The following FAM184B variants were observed in gnomAD, a reference collection of about 807,000 sequenced individuals.
FAM184B encodes family with sequence similarity 184 member B.
Under a neutral mutation model 135.9 loss-of-function variants are expected in FAM184B, and 111 were observed. The observed-to-expected ratio is 0.82, with a 90% CI of 0.70 to 0.96. The LOEUF (loss-of-function observed/expected upper bound fraction) is 0.96. Among genes scored for constraint, FAM184B ranks in the 40% least tolerant of loss-of-function variants. FAM184B has a pLI of 0.00. For missense variants in FAM184B, 1,375 were observed against 1,323.9 expected (o/e 1.04, Z -0.60); for synonymous variants, 552 against 524.8 (o/e 1.05, Z -0.71).
intron 1 of FAM184B, among the ~76,000 whole-genome samples, chr4:17,744,633 T>G (rs1400532271): frequency 6.6e-6 from 1 of 151,084 alleles, no homozygotes; most frequent in African/African-American, 2.4e-5. Flanking sequence ...GGCAGGAGAA[T>G]AGCTTGAATC....
chr4:17,648,487 G>A (rs973685297), intron 11 of FAM184B, among the ~76,000 whole-genome samples: 1 of 150,974 alleles, frequency 6.6e-6, no homozygotes, highest in Non-Finnish European at 1.5e-5. Flanking sequence ...GCTGGGACCA[G>A]GCAAGCACCA....
chr4:17,730,903 G>C (rs980462263), intron 1 of FAM184B, among the ~76,000 whole-genome samples: 4 of 152,176 alleles, frequency 2.6e-5, no homozygotes, highest in African/African-American at 9.7e-5. Flanking sequence ...GGAGCTAATG[G>C]AGCTGAAAGC....
At chr4:17,706,913 G>A (rs1717132872) in intron 3 of FAM184B, among the ~76,000 whole-genome samples, 1 of 151,868 alleles carries the variant, frequency 6.6e-6, no homozygotes, top group Non-Finnish European at 1.5e-5. Context: ...AGCCTCCCAA[G>A]TAGCTAGGAT....
At chr4:17,660,322 GCTGTTTAGCAGGAACCACCTGATAT>G (rs902583119) in intron 8 of FAM184B, among the ~76,000 whole-genome samples, 12 of 148,882 alleles carry the variant, frequency 8.1e-5, no homozygotes, top group African/African-American at 2.9e-4. Context: ...CCGCCTGATA[GCTGTTTAGCAGGAACCACCTGATAT>G]CTGTTTTAGT....
intron 1 of FAM184B, among the ~76,000 whole-genome samples, chr4:17,764,277 C>T (rs1288519744): frequency 2.0e-5 from 3 of 152,204 alleles, no homozygotes; most frequent in African/African-American, 7.2e-5. Flanking sequence ...CTCATTAAAA[C>T]AGAAGGTTGT....
At chr4:17,669,369 T>C (rs115035924) in intron 7 of FAM184B, among the ~76,000 whole-genome samples, 2,710 of 152,284 alleles carry the variant, frequency 0.018, 73 homozygotes, top group African/African-American at 0.063. Flanking sequence ...CTGCCATAAA[T>C]TCAGGTTCTG....
At chr4:17,691,805 A>T (rs1716742665) in intron 6 of FAM184B, among the ~76,000 whole-genome samples, 1 of 152,122 alleles carries the variant, frequency 6.6e-6, no homozygotes, top group Non-Finnish European at 1.5e-5. Context: ...CTGTAATCCC[A>T]GCACTTTGGG....
At chr4:17,652,757 A>T in intron 11 of FAM184B, 73 bp downstream of exon 11, 1 of 1,491,204 alleles carries the variant, frequency 6.7e-7, no homozygotes, top group Non-Finnish European at 9.0e-7. Context: ...CCTGGCCCTC[A>T]GCTTGTCTCT....
intron 1 of FAM184B, among the ~76,000 whole-genome samples, chr4:17,759,866 T>C (rs1460420720): frequency 6.6e-6 from 1 of 152,174 alleles, no homozygotes; most frequent in Admixed American, 6.5e-5. Context: ...ATACATTCAT[T>C]TGCTATGTCA....
chr4:17,664,398 C>T (rs1277025368), intron 8 of FAM184B, among the ~76,000 whole-genome samples, 164 bp downstream of exon 8: 1 of 152,040 alleles, frequency 6.6e-6, no homozygotes, highest in Non-Finnish European at 1.5e-5. Flanking sequence ...TATGTGAAGC[C>T]CATAGCTGTG....
intron 1 of FAM184B, among the ~76,000 whole-genome samples, chr4:17,721,856 G>GCATA (rs1213233019): frequency 6.6e-6 from 1 of 152,216 alleles, no homozygotes; most frequent in African/African-American, 2.4e-5. Flanking sequence ...CCAGATGGAT[G>GCATA]CATACTTTGG....
chr4:17,742,137 AATATATATAT>A (rs372209332), intron 1 of FAM184B, among the ~76,000 whole-genome samples: 1,345 of 26,432 alleles, frequency 0.051, 26 homozygotes, highest in East Asian at 0.3. Context: ...TATACATATG[AATATATATAT>A]ATATATATAT....
chr4:17,659,810 A>T, intron 9 of FAM184B, 148 bp downstream of exon 9: 1 of 1,125,092 alleles, frequency 8.9e-7, no homozygotes, highest in Non-Finnish European at 1.2e-6. Context: ...ATGAATGAAT[A>T]AATAAAACCA....
chr4:17,727,730 C>T (rs1022566390), intron 1 of FAM184B, among the ~76,000 whole-genome samples: 10 of 152,270 alleles, frequency 6.6e-5, no homozygotes, highest in Admixed American at 3.3e-4. Flanking sequence ...CCCCCAAGAT[C>T]GAACCACTTC....
chr4:17,637,513 G>C (rs900466641), intron 14 of FAM184B, among the ~76,000 whole-genome samples: 2 of 152,158 alleles, frequency 1.3e-5, no homozygotes, highest in Non-Finnish European at 2.9e-5. Context: ...TCACCTGTGT[G>C]TGGGCCCCAG....
At chr4:17,748,874 C>T (rs1310803041) in intron 1 of FAM184B, among the ~76,000 whole-genome samples, 1 of 151,888 alleles carries the variant, frequency 6.6e-6, no homozygotes, top group Non-Finnish European at 1.5e-5. Context: ...ATCACCCAGA[C>T]ATGAGTGTAT....
intron 1 of FAM184B, among the ~76,000 whole-genome samples, chr4:17,722,690 G>A (rs1442184936): frequency 6.6e-6 from 1 of 152,154 alleles, no homozygotes; most frequent in Non-Finnish European, 1.5e-5. Context: ...ACAGAACACA[G>A]GCCTGGACTC....
chr4:17,638,868 G>T (rs1715227258), intron 14 of FAM184B, among the ~76,000 whole-genome samples: 1 of 150,702 alleles, frequency 6.6e-6, no homozygotes, highest in Non-Finnish European at 1.5e-5. Context: ...CCCTGAACTT[G>T]CTCTGTTGCT....
At chr4:17,757,521 G>C (rs2108991081) in intron 1 of FAM184B, among the ~76,000 whole-genome samples, 1 of 152,088 alleles carries the variant, frequency 6.6e-6, no homozygotes, top group South Asian at 2.1e-4. Flanking sequence ...TGGCATTGTG[G>C]GAATGTTATA....
Sources: allele counts gnomAD v4.1 joint callset (sites outside exome capture counted in the v4.1 genomes callset), GRCh38; gene constraint gnomAD v4.1.1; transcripts MANE v1.5; gene names NCBI Gene and HGNC (gene_info 2026-07-23, HGNC 2026-07-21).